The following RIMS2 variants were observed in gnomAD, a reference collection of about 807,000 sequenced individuals.
The protein encoded by RIMS2 is regulating synaptic membrane exocytosis 2, also known as regulating synaptic membrane exocytosis protein 2.
In RIMS2, 59 loss-of-function variants were observed where a neutral mutation model predicts 174.4. The observed-to-expected ratio is 0.34, with a 90% CI of 0.27 to 0.42. The LOEUF is 0.42. Ranked by LOEUF, RIMS2 falls within the 10% of genes least tolerant of loss-of-function variation. The pLI is 1.00. For missense variants in RIMS2, 1,620 were observed against 1,666.3 expected, an observed-to-expected ratio of 0.97 and a Z score of 0.48; for synonymous variants, 606 against 572.5, an observed-to-expected ratio of 1.06 and a Z score of -0.84.
intron 19 of RIMS2, among the ~76,000 whole-genome samples, chr8:104,080,857 C>T (rs867141887): frequency 2.0e-5 from 3 of 151,746 alleles, no homozygotes; most frequent in Non-Finnish European, 4.4e-5. Context: ...TTTTGAAGAT[C>T]GTAAAATAAT....
intron 1 of RIMS2, among the ~76,000 whole-genome samples, chr8:103,634,758 T>C (rs1380856711): frequency 6.6e-6 from 1 of 152,250 alleles, no homozygotes; most frequent in Non-Finnish European, 1.5e-5. Context: ...TTGAACTCTT[T>C]ACCGTTATGT....
chr8:104,169,819 G>T (rs1477183482), intron 19 of RIMS2, among the ~76,000 whole-genome samples: 3 of 151,916 alleles, frequency 2.0e-5, no homozygotes, highest in Non-Finnish European at 2.9e-5. Flanking sequence ...TTAACACAAT[G>T]AACTTTCCTC....
chr8:103,959,071 C>T (rs1443778311), intron 14 of RIMS2, among the ~76,000 whole-genome samples: 3 of 152,180 alleles, frequency 2.0e-5, no homozygotes, highest in Non-Finnish European at 2.9e-5. Context: ...ACAGAAGCAA[C>T]TGCAACTGAT....
chr8:104,139,218 C>A (rs2098546552), intron 19 of RIMS2, among the ~76,000 whole-genome samples: 1 of 151,972 alleles, frequency 6.6e-6, no homozygotes. Context: ...CAGTTTTGTT[C>A]TTTTTGTTTA....
chr8:103,885,974 C>A, exon 4 of RIMS2: 2 of 1,612,958 alleles, frequency 1.2e-6, no homozygotes, highest in South Asian at 2.2e-5. Flanking sequence ...GAAACAGCAC[C>A]ACTTAGATCC....
At chr8:103,915,813 G>T (rs2076536003) in intron 7 of RIMS2, among the ~76,000 whole-genome samples, 1 of 151,830 alleles carries the variant, frequency 6.6e-6, no homozygotes, top group Non-Finnish European at 1.5e-5. Flanking sequence ...TCTGATTGGT[G>T]TTCTAATCTG....
chr8:103,707,654 A>T (rs1238783511), intron 2 of RIMS2, among the ~76,000 whole-genome samples: 1 of 152,034 alleles, frequency 6.6e-6, no homozygotes, highest in Non-Finnish European at 1.5e-5. Context: ...GGGATGGGTG[A>T]CTCGGCACTG....
chr8:103,842,886 T>G (rs933796157), intron 3 of RIMS2, among the ~76,000 whole-genome samples: 3 of 152,190 alleles, frequency 2.0e-5, no homozygotes, highest in African/African-American at 7.2e-5. Context: ...GTCAGGAGGT[T>G]TGGTTTCTTC....
intron 3 of RIMS2, among the ~76,000 whole-genome samples, chr8:103,766,739 G>T (rs1421547494): frequency 6.6e-6 from 1 of 152,166 alleles, no homozygotes; most frequent in South Asian, 2.1e-4. Flanking sequence ...ATGTGGGAGT[G>T]TTAGGTTATC....
intron 19 of RIMS2, among the ~76,000 whole-genome samples, chr8:104,092,651 C>A (rs181592653): frequency 1.3e-5 from 2 of 151,904 alleles, no homozygotes; most frequent in African/African-American, 4.8e-5. Flanking sequence ...CTCAAATTTA[C>A]TCAACTAGTG....
intron 6 of RIMS2, 87 bp downstream of exon 9, chr8:103,912,259 AT>A: frequency 1.1e-6 from 1 of 914,244 alleles, no homozygotes; most frequent in Non-Finnish European, 1.6e-6. Context: ...ACCTGTACCA[AT>A]TTAGTAGTGT....
chr8:103,891,050 C>T (rs2099241881), intron 4 of RIMS2, among the ~76,000 whole-genome samples: 1 of 151,948 alleles, frequency 6.6e-6, no homozygotes, highest in Non-Finnish European at 1.5e-5. Flanking sequence ...CAAAATATCT[C>T]TTGTGGGGCA....
intron 19 of RIMS2, among the ~76,000 whole-genome samples, chr8:104,171,836 T>C (rs927181889): frequency 6.6e-6 from 1 of 152,196 alleles, no homozygotes; most frequent in African/African-American, 2.4e-5. Context: ...TTTGTTCCCC[T>C]CTTAAGGATA....
chr8:103,549,383 G>T (rs1416493066), intron 1 of RIMS2, among the ~76,000 whole-genome samples: 1 of 152,100 alleles, frequency 6.6e-6, no homozygotes. Flanking sequence ...CTTCATAAGT[G>T]CAGGAGAAAC....
intron 1 of RIMS2, among the ~76,000 whole-genome samples, chr8:103,537,038 G>A (rs1840116748): frequency 6.6e-6 from 1 of 152,186 alleles, no homozygotes; most frequent in African/African-American, 2.4e-5. Context: ...ATATTTGCCA[G>A]GCACTGGGGA....
At chr8:103,992,274 A>ATTTTTTT (rs1186537194) in intron 17 of RIMS2, among the ~76,000 whole-genome samples, 43 of 107,060 alleles carry the variant, frequency 4.0e-4, no homozygotes, top group African/African-American at 9.1e-4. Context: ...ATGTCCAGCT[A>ATTTTTTT]TTTTTTTTTT....
Position 103,942,769 on chromosome 8 carries a change from G to A in RIMS2, c.2548-4G>A. 1 of 1,607,232 alleles carries A rather than the reference G, an allele frequency of 6.2e-7. No individual in the cohort carries two copies. Among genetic ancestry groups the A allele is most frequent in the Non-Finnish European group, 8.5e-7 (1 of 1,174,588 alleles). On this transcript the variant is annotated splice_region_variant and splice_polypyrimidine_tract_variant and intron_variant, in intron 13 of 23. Coordinates refer to ENST00000504942, the Ensembl canonical transcript of RIMS2. ...TAACCGTCCTTTGTCTCTTGGGTTT[G>A]TAGATTTTAATTGAATTAGAAACAG...
At chr8:103,932,938 C>T (rs896801050) in intron 12 of RIMS2, among the ~76,000 whole-genome samples, 6 of 151,926 alleles carry the variant, frequency 3.9e-5, no homozygotes, top group Non-Finnish European at 7.4e-5. Context: ...GGGTGGATTA[C>T]CTGAGGTCAG....
intron 3 of RIMS2, among the ~76,000 whole-genome samples, chr8:103,807,928 A>C (rs377530235): frequency 1.9e-4 from 29 of 152,278 alleles, no homozygotes; most frequent in African/African-American, 7.0e-4. Context: ...AAATACATTT[A>C]GATTTGCATG....
Sources: allele counts gnomAD v4.1 joint callset (sites outside exome capture counted in the v4.1 genomes callset), GRCh38; gene constraint gnomAD v4.1.1; transcripts MANE v1.5; gene names NCBI Gene and HGNC (gene_info 2026-07-23, HGNC 2026-07-21).